Variants in ZNF618 observed in about 807,000 individuals in gnomAD.
The protein encoded by ZNF618 is neural precursor cell expressed, developmentally down-regulated 10.
A neutral mutation model predicts 103.0 loss-of-function variants in ZNF618; 34 were observed. The observed-to-expected ratio is 0.33, with a 90% confidence interval of 0.25 to 0.44. ZNF618 has a LOEUF of 0.44. ZNF618 is among the 20% of genes least tolerant of loss of function. The pLI is 1.00. For synonymous variants in ZNF618, 551 were observed against 542.2 expected, an observed-to-expected ratio of 1.02 and a Z score of -0.23; for missense variants, 1,059 against 1,295.4, an observed-to-expected ratio of 0.82 and a Z score of 2.80.
rs113878230 is a variant in ZNF618 at position 114,043,263 on chromosome 9, A to G, written c.1247-4630A>G. ...TATATACCTGGAAGTGGAGATTCTG[A>G]GCTGTAAGGTAATTCTGTTTAATCC... On this transcript the variant is annotated intron_variant, in intron 13 of 14. Coordinates refer to ENST00000374126, the MANE Select transcript of ZNF618 (RefSeq NM_001318042.2). Among the ~76,000 whole-genome samples the G allele has an allele frequency of 9.7e-3, 1,473 of 152,312 alleles. 10 individuals are homozygous for G. The highest frequency in any genetic ancestry group is 0.016 in the Non-Finnish European group (1,121 of 68,012).
chr9:114,041,191 T>G lies in ZNF618; in HGVS notation c.1246+4814T>G, dbSNP rs151289208. 8.3e-3 allele frequency among the ~76,000 whole-genome samples: 1,266 copies of G among 152,296 alleles called. 16 individuals carry two copies. Among genetic ancestry groups the G allele is most frequent in the African/African-American group, 0.027 (1,137 of 41,554 alleles). The stretch of plus-strand genomic sequence containing the variant: ...TTTGATGGGGTTGTTTTTTTTCTTG[T>G]AAGTTTGTTTGAGTTCTTTGTAGAT... On this transcript the variant is annotated intron_variant, in intron 13 of 14. Coordinates refer to ENST00000374126, the MANE Select transcript of ZNF618 (RefSeq NM_001318042.2).
chr9:113,899,898 C>T (rs1004287684), intron 1 of ZNF618, among the ~76,000 whole-genome samples: 2 of 152,082 alleles, frequency 1.3e-5, no homozygotes, highest in African/African-American at 4.8e-5. Context: ...CAGTTGCTTC[C>T]ACCTTTTGGC....
chr9:113,994,921 T>A (rs1162046293), intron 3 of ZNF618, among the ~76,000 whole-genome samples: 5 of 150,684 alleles, frequency 3.3e-5, no homozygotes, highest in South Asian at 2.1e-4. Context: ...ATTTCCAGGA[T>A]ATTGTGTAAA....
At chr9:113,906,318 G>A (rs187135784) in intron 1 of ZNF618, among the ~76,000 whole-genome samples, 48 of 152,278 alleles carry the variant, frequency 3.2e-4, no homozygotes, top group Non-Finnish European at 4.3e-4. Context: ...AAAGTGCTGG[G>A]AAGATGCCAG....
At chr9:113,926,855 A>G (rs1833141753) in intron 1 of ZNF618, among the ~76,000 whole-genome samples, 1 of 152,302 alleles carries the variant, frequency 6.6e-6, no homozygotes, top group East Asian at 1.9e-4. Context: ...TTTACAAAAA[A>G]TACAAAAATT....
At chr9:113,938,564 C>CTTTTT (rs751883694) in intron 1 of ZNF618, among the ~76,000 whole-genome samples, 2 of 77,724 alleles carry the variant, frequency 2.6e-5, no homozygotes, top group East Asian at 4.1e-4. Context: ...ATTATATTTT[C>CTTTTT]TTTTTTTCTT....
chr9:113,911,448 C>G (rs933501481), intron 1 of ZNF618, among the ~76,000 whole-genome samples: 1 of 152,078 alleles, frequency 6.6e-6, no homozygotes, highest in African/African-American at 2.4e-5. Context: ...CCTGTCTTAG[C>G]CTCCCGAGTA....
At chr9:114,015,815 G>A (rs1186206708) in intron 9 of ZNF618, among the ~76,000 whole-genome samples, 1 of 152,214 alleles carries the variant, frequency 6.6e-6, no homozygotes, top group Non-Finnish European at 1.5e-5. Flanking sequence ...AATAGATGCA[G>A]TAGAGATCAA....
intron 1 of ZNF618, among the ~76,000 whole-genome samples, chr9:113,959,421 T>A (rs1209802836): frequency 6.6e-6 from 1 of 152,186 alleles, no homozygotes; most frequent in African/African-American, 2.4e-5. Flanking sequence ...TGAACACACA[T>A]TAATCCACCA....
intron 1 of ZNF618, among the ~76,000 whole-genome samples, chr9:113,913,643 T>G (rs562075250): frequency 6.6e-6 from 1 of 151,376 alleles, no homozygotes; most frequent in African/African-American, 2.4e-5. Flanking sequence ...CAGATATCAC[T>G]CCTTGGTTCT....
At chr9:113,884,621 C>T (rs771011568) in intron 1 of ZNF618, among the ~76,000 whole-genome samples, 2 of 152,092 alleles carry the variant, frequency 1.3e-5, no homozygotes, top group Non-Finnish European at 2.9e-5. Flanking sequence ...GTATGGCCAG[C>T]GGCCTCAGAG....
At chr9:113,914,308 GCCAAATTCCAA>G (rs1459231488) in intron 1 of ZNF618, among the ~76,000 whole-genome samples, 1 of 152,188 alleles carries the variant, frequency 6.6e-6, no homozygotes, top group African/African-American at 2.4e-5. Flanking sequence ...CCAGAGGCCT[GCCAAATTCCAA>G]GAGCCTCTTT....
At chr9:113,943,513 T>G (rs533472194) in intron 1 of ZNF618, among the ~76,000 whole-genome samples, 1 of 151,802 alleles carries the variant, frequency 6.6e-6, no homozygotes, top group Non-Finnish European at 1.5e-5. Context: ...GTATCCCATC[T>G]CAGGAAAGCA....
chr9:113,943,144 T>G (rs1410919955), intron 1 of ZNF618, among the ~76,000 whole-genome samples: 1 of 152,208 alleles, frequency 6.6e-6, no homozygotes, highest in Non-Finnish European at 1.5e-5. Flanking sequence ...GCAAATGTTT[T>G]TGAGCATCTT....
intron 1 of ZNF618, among the ~76,000 whole-genome samples, chr9:113,938,165 GTTTTTTTTTT>G (rs770850585): frequency 1.0e-5 from 1 of 95,526 alleles, no homozygotes; most frequent in African/African-American, 4.0e-5. Flanking sequence ...TCAGGCTCCT[GTTTTTTTTTT>G]TTTTTTTTTT....
intron 3 of ZNF618, 150 bp downstream of exon 3, chr9:113,988,730 T>G: frequency 8.2e-7 from 1 of 1,220,886 alleles, no homozygotes; most frequent in South Asian, 1.6e-5. Flanking sequence ...AGATCTCAGC[T>G]TCTTAGACTT....
intron 1 of ZNF618, among the ~76,000 whole-genome samples, chr9:113,933,206 C>A (rs1301363358): frequency 1.3e-5 from 2 of 152,144 alleles, no homozygotes; most frequent in Admixed American, 6.5e-5. Flanking sequence ...GGAATGGAAT[C>A]AACAGAATGG....
At chr9:114,025,531 C>T (rs865932320) in intron 10 of ZNF618, among the ~76,000 whole-genome samples, 1 of 152,226 alleles carries the variant, frequency 6.6e-6, no homozygotes, top group Non-Finnish European at 1.5e-5. Context: ...CTGTCTGAGA[C>T]TCTTTCATGC....
At chr9:114,043,275 A>T (rs191264027) in intron 13 of ZNF618, among the ~76,000 whole-genome samples, 1 of 152,294 alleles carries the variant, frequency 6.6e-6, no homozygotes, top group East Asian at 1.9e-4. Flanking sequence ...CTGTAAGGTA[A>T]TTCTGTTTAA....
Sources: allele counts gnomAD v4.1 joint callset (sites outside exome capture counted in the v4.1 genomes callset), GRCh38; gene constraint gnomAD v4.1.1; transcripts MANE v1.5; gene names NCBI Gene and HGNC (gene_info 2026-07-23, HGNC 2026-07-21).